LHFPL7: variants seen among roughly 807,000 people sequenced by gnomAD.
LHFPL7 encodes LHFPL tetraspan subfamily member 7.
At chr22:24,935,592 G>A in the LHFPL7 span, 14 of 1,609,878 alleles carry the variant, frequency 8.7e-6, no homozygotes, top group Admixed American at 2.3e-4. Context: ...AATCATGGCA[G>A]TAGCTGGAGA....
At chr22:24,939,453 T>A in the LHFPL7 span, 2 of 703,098 alleles carry the variant, frequency 2.8e-6, no homozygotes, top group Non-Finnish European at 5.2e-6. Context: ...GGTCGGGGTC[T>A]GGAACCAGGC....
At chr22:24,939,522 A>G in the LHFPL7 span, 1 of 703,026 alleles carries the variant, frequency 1.4e-6, no homozygotes. Flanking sequence ...AGCTACCCAC[A>G]CACTGCTCAA....
chr22:24,939,473 G>A, the LHFPL7 span: 1 of 703,018 alleles, frequency 1.4e-6, no homozygotes, highest in Admixed American at 2.0e-5. Context: ...CAGGGGAGAT[G>A]AGGCTGAAGG....
chr22:24,938,111 T>A, the LHFPL7 span: 1 of 1,603,436 alleles, frequency 6.2e-7, no homozygotes, highest in Non-Finnish European at 8.5e-7. Context: ...CATAAATATG[T>A]CTAGAGCACT....
At chr22:24,944,351 G>T in the LHFPL7 span, among the ~76,000 whole-genome samples, 3 of 152,222 alleles carry the variant, frequency 2.0e-5, no homozygotes, top group East Asian at 3.9e-4. Flanking sequence ...GTAATTGGGG[G>T]ATAGTCATGG....
At chr22:24,937,102 G>A in the LHFPL7 span, among the ~76,000 whole-genome samples, 1 of 152,132 alleles carries the variant, frequency 6.6e-6, no homozygotes, top group South Asian at 2.1e-4. Context: ...GGAGAAAGAG[G>A]GACAATAATC....
At chr22:24,942,938 T>TGTGTGTGTG in the LHFPL7 span, among the ~76,000 whole-genome samples, 1 of 137,882 alleles carries the variant, frequency 7.3e-6, no homozygotes, top group Admixed American at 7.0e-5. Context: ...TGTGTGTGTG[T>TGTGTGTGTG]TGCTGGGGGA....
the LHFPL7 span, among the ~76,000 whole-genome samples, chr22:24,946,288 C>T: frequency 3.9e-5 from 6 of 152,138 alleles, no homozygotes; most frequent in South Asian, 4.2e-4. Flanking sequence ...CCAGCCTGGG[C>T]GACAGAGCAA....
the LHFPL7 span, among the ~76,000 whole-genome samples, chr22:24,943,874 T>C: frequency 3.3e-5 from 5 of 152,190 alleles, no homozygotes; most frequent in African/African-American, 9.7e-5. Context: ...AGGTAGCTGC[T>C]AGGGACTTGA....
the LHFPL7 span, among the ~76,000 whole-genome samples, chr22:24,937,373 C>T: frequency 1.4e-3 from 216 of 152,276 alleles, no homozygotes; most frequent in African/African-American, 4.9e-3. Context: ...CCAGAGCACA[C>T]TGAGCCTGGC....
chr22:24,936,904 C>T, the LHFPL7 span, among the ~76,000 whole-genome samples: 2 of 152,164 alleles, frequency 1.3e-5, no homozygotes, highest in Middle Eastern at 6.8e-3. Context: ...TGATGCCCTC[C>T]AACCCCCGCC....
At chr22:24,939,786 T>C in the LHFPL7 span, among the ~76,000 whole-genome samples, 5 of 152,314 alleles carry the variant, frequency 3.3e-5, no homozygotes, top group East Asian at 9.7e-4. Context: ...GAATAAATGT[T>C]AGCCCTGAAA....
At chr22:24,941,350 G>A in the LHFPL7 span, among the ~76,000 whole-genome samples, 1 of 151,966 alleles carries the variant, frequency 6.6e-6, no homozygotes, top group Admixed American at 6.6e-5. Flanking sequence ...TGTATTTTTA[G>A]TAGAGATGGG....
the LHFPL7 span, among the ~76,000 whole-genome samples, chr22:24,944,544 G>A: frequency 6.6e-6 from 1 of 152,094 alleles, no homozygotes; most frequent in African/African-American, 2.4e-5. Context: ...AGTAATGAGG[G>A]TAGGAAAGAG....
chr22:24,937,356 A>T, the LHFPL7 span, among the ~76,000 whole-genome samples: 3 of 152,180 alleles, frequency 2.0e-5, no homozygotes, highest in South Asian at 6.2e-4. Flanking sequence ...ATTGCAAATC[A>T]GAATAGCCAG....
chr22:24,940,369 G>A, the LHFPL7 span, among the ~76,000 whole-genome samples: 1 of 149,734 alleles, frequency 6.7e-6, no homozygotes, highest in African/African-American at 2.4e-5. Context: ...CGAGGCGGGT[G>A]GATCACGAGG....
At chr22:24,945,895 G>A in the LHFPL7 span, among the ~76,000 whole-genome samples, 1 of 152,240 alleles carries the variant, frequency 6.6e-6, no homozygotes, top group African/African-American at 2.4e-5. Flanking sequence ...ATCTGTCACA[G>A]ATTGGCTGTG....
the LHFPL7 span, among the ~76,000 whole-genome samples, chr22:24,945,033 C>A: frequency 1.3e-5 from 2 of 152,276 alleles, no homozygotes; most frequent in Middle Eastern, 3.4e-3. Flanking sequence ...TGGTGTCGAT[C>A]TCTTGACCTT....
chr22:24,946,203 G>C, the LHFPL7 span, among the ~76,000 whole-genome samples: 1 of 152,032 alleles, frequency 6.6e-6, no homozygotes, highest in African/African-American at 2.4e-5. Context: ...CCAGCTATTC[G>C]GGAGGCTGAG....
Sources: gnomAD v4.1 joint callset for allele counts (sites outside exome capture counted in the v4.1 genomes callset) on GRCh38, gnomAD v4.1.1 for gene constraint, MANE v1.5 for transcripts, NCBI Gene and HGNC (gene_info 2026-07-23, HGNC 2026-07-21) for gene names.